WDR49: variants seen among roughly 807,000 people sequenced by gnomAD.
WDR49 encodes cilia- and flagella-associated protein 337.
In WDR49, 107 loss-of-function variants were observed where a neutral mutation model predicts 119.5. The ratio of observed to expected loss-of-function variants is 0.90; its 90% CI spans 0.77 to 1.05. WDR49 has a LOEUF of 1.05. WDR49 is among the 50% of genes least tolerant of loss of function. The probability of loss-of-function intolerance (pLI) is 0.00; values close to 1 mark genes in which losing one functional copy is unlikely to be tolerated. For missense variants in WDR49, 1,240 were observed against 1,220.5 expected, an observed-to-expected ratio of 1.02 and a Z score of -0.24; for synonymous variants, 425 against 418.8, an observed-to-expected ratio of 1.01 and a Z score of -0.18.
chr3:167,604,469 C>A lies in WDR49; in HGVS notation c.959-1G>T. The A allele has an allele frequency of 6.3e-7, 1 of 1,590,422 alleles. No individual in the cohort carries two copies. Among genetic ancestry groups the A allele is most frequent in the South Asian group, 1.1e-5 (1 of 87,550 alleles). On this transcript the variant is annotated splice_acceptor_variant, in intron 5 of 18. Transcript: ENST00000682715. LOFTEE classifies it high-confidence loss of function. ...GCGTCTAAAGATGCATTGTAAGTAA[C>A]TGATAAAAAATTAAAAAGAGAAAAA...
At position 167,591,829 on chromosome 3, in the gene WDR49, G is replaced by GT. The variant is rs200956408; in HGVS notation, c.1275+10297dup. 7.6e-4 allele frequency among the ~76,000 whole-genome samples: 114 copies of GT among 150,840 alleles called. 1 individual carries two copies. The South Asian group carries it at 0.016, about 22-fold the overall frequency. On this transcript the variant is annotated intron_variant, in intron 7 of 18. Transcript: ENST00000682715. Reference sequence around the variant, plus strand: ...TGTAGGCAATAGATAATTGGGTCTTGTTTTTTTTTATCCAATCACTCTGCT... The same window carrying GT: ...TGTAGGCAATAGATAATTGGGTCTTGTTTTTTTTTTATCCAATCACTCTGCT...
chr3:167,641,474 T>C (rs1274153025), intron 2 of WDR49, among the ~76,000 whole-genome samples: 2 of 151,906 alleles, frequency 1.3e-5, no homozygotes, highest in African/African-American at 4.8e-5. Flanking sequence ...TCACATCATA[T>C]ACCCTAGCTG....
chr3:167,563,548 A>C (rs578107700), intron 8 of WDR49, among the ~76,000 whole-genome samples: 1 of 152,210 alleles, frequency 6.6e-6, no homozygotes, highest in East Asian at 1.9e-4. Context: ...AAGGTTAAAG[A>C]TTGTGCAGGA....
intron 5 of WDR49, among the ~76,000 whole-genome samples, chr3:167,605,933 A>G (rs891832705): frequency 6.6e-6 from 1 of 152,204 alleles, no homozygotes; most frequent in Admixed American, 6.5e-5. Context: ...AGCTTGGGAC[A>G]CTAGTATTTG....
At chr3:167,556,981 T>C (rs1227220560) in intron 9 of WDR49, among the ~76,000 whole-genome samples, 1 of 152,084 alleles carries the variant, frequency 6.6e-6, no homozygotes, top group Non-Finnish European at 1.5e-5. Flanking sequence ...GCTGAGATCA[T>C]GCCACTGCAC....
At chr3:167,633,632 C>A in intron 2 of WDR49, 1 of 373,818 alleles carries the variant, frequency 2.7e-6, no homozygotes, top group Non-Finnish European at 5.2e-6. Context: ...GCTACAAATT[C>A]TTAGTTTTCA....
intron 2 of WDR49, among the ~76,000 whole-genome samples, chr3:167,635,606 CAGTTTA>C (rs1343542988): frequency 1.3e-5 from 2 of 151,644 alleles, no homozygotes; most frequent in African/African-American, 4.8e-5. Context: ...ATAAAAGTCC[CAGTTTA>C]ACACTACTGA....
chr3:167,617,420 G>A (rs748522511), intron 5 of WDR49, among the ~76,000 whole-genome samples: 3 of 152,144 alleles, frequency 2.0e-5, no homozygotes, highest in Non-Finnish European at 4.4e-5. Context: ...CCAGCTATTC[G>A]GGAGGCTGAG....
At chr3:167,582,823 C>T (rs1714610568) in intron 7 of WDR49, among the ~76,000 whole-genome samples, 1 of 152,024 alleles carries the variant, frequency 6.6e-6, no homozygotes, top group Non-Finnish European at 1.5e-5. Flanking sequence ...TAGTGCAGGC[C>T]TGTAATTCCA....
chr3:167,613,409 C>A (rs1716437783), intron 5 of WDR49, among the ~76,000 whole-genome samples: 1 of 152,142 alleles, frequency 6.6e-6, no homozygotes, highest in Non-Finnish European at 1.5e-5. Context: ...TTCCTCAAAC[C>A]AAGGCCACTG....
At position 167,531,186 on chromosome 3, in the gene WDR49, A is replaced by C. The variant is rs1752841574; in HGVS notation, c.2147T>G (p.Ile716Ser). The C allele has an allele frequency of 6.2e-7, 1 of 1,612,026 alleles. No individual in the cohort carries two copies. Among genetic ancestry groups the C allele is most frequent in the Non-Finnish European group, 8.5e-7 (1 of 1,179,592 alleles). Residue 716 changes from isoleucine to serine, a missense_variant, in exon 13 of 19, where the codon ATT becomes AGT. Coordinates refer to ENST00000682715, the MANE Select transcript of WDR49 (RefSeq NM_001366157.1). ...HSTTGVRNFE[I>S]DTEGKNAVMR... ...AACAGCATTTTTGCCCTCAGTGTCAATCTCAAAGTTGCGGACTCCCGTGGT... is the reference window on the plus strand; with the variant it reads ...AACAGCATTTTTGCCCTCAGTGTCACTCTCAAAGTTGCGGACTCCCGTGGT...
intron 8 of WDR49, among the ~76,000 whole-genome samples, chr3:167,569,339 G>A (rs756065837): frequency 6.6e-6 from 1 of 152,038 alleles, no homozygotes; most frequent in Non-Finnish European, 1.5e-5. Context: ...CGTAAGTTTT[G>A]ATACATTTTA....
intron 10 of WDR49, among the ~76,000 whole-genome samples, chr3:167,552,272 T>C (rs997529141): frequency 2.6e-5 from 4 of 152,074 alleles, no homozygotes; most frequent in African/African-American, 4.8e-5. Context: ...ATAGAATTCA[T>C]TGGAGAAAGA....
intron 5 of WDR49, among the ~76,000 whole-genome samples, chr3:167,606,102 G>C (rs1352692268): frequency 1.3e-5 from 2 of 152,066 alleles, no homozygotes; most frequent in African/African-American, 4.8e-5. Flanking sequence ...CCTAGGTGTT[G>C]CTCCTGATGC....
intron 9 of WDR49, among the ~76,000 whole-genome samples, chr3:167,559,774 A>T (rs567234070): frequency 2.0e-5 from 3 of 152,204 alleles, no homozygotes; most frequent in Non-Finnish European, 4.4e-5. Flanking sequence ...GTATTCCCCA[A>T]AGTAGTCCCT....
At chr3:167,640,768 A>C (rs1717843852) in intron 2 of WDR49, among the ~76,000 whole-genome samples, 1 of 151,806 alleles carries the variant, frequency 6.6e-6, no homozygotes, top group African/African-American at 2.4e-5. Flanking sequence ...ATTCGATTAC[A>C]CAGAGGGAGA....
At chr3:167,657,400 A>C (rs1168847041), upstream of WDR49, among the ~76,000 whole-genome samples, 1 of 152,174 alleles carries the variant, frequency 6.6e-6, no homozygotes, top group Non-Finnish European at 1.5e-5. Flanking sequence ...TAATATAATA[A>C]ATCTAATGAT....
intron 18 of WDR49, among the ~76,000 whole-genome samples, chr3:167,479,557 T>C: frequency 6.6e-6 from 1 of 152,202 alleles, no homozygotes; most frequent in East Asian, 1.9e-4. Flanking sequence ...CATAATTTTA[T>C]TATTTAAACA....
At chr3:167,645,491 G>A (rs772471066) in intron 2 of WDR49, among the ~76,000 whole-genome samples, 42 of 152,124 alleles carry the variant, frequency 2.8e-4, no homozygotes, top group East Asian at 3.9e-4. Flanking sequence ...GATTACAGGC[G>A]TGAGTCACCA....
Sources: gnomAD v4.1 joint callset for allele counts (sites outside exome capture counted in the v4.1 genomes callset) on GRCh38, gnomAD v4.1.1 for gene constraint, MANE v1.5 for transcripts, NCBI Gene and HGNC (gene_info 2026-07-23, HGNC 2026-07-21) for gene names.